Variants in DMRT1 observed in about 807,000 individuals in gnomAD.
DMRT1 encodes doublesex and mab-3 related transcription factor 1.
DMRT1 carries 7 observed loss-of-function variants against 32.3 expected under a neutral mutation model. The observed-to-expected ratio is 0.22, with a 90% CI of 0.12 to 0.41. DMRT1 has a LOEUF of 0.41. Among genes scored for constraint, DMRT1 ranks in the 10% least tolerant of loss-of-function variants. The pLI, the probability that DMRT1 is intolerant of heterozygous loss-of-function variation, is 1.00. For synonymous variants in DMRT1, 278 were observed against 206.1 expected, an observed-to-expected ratio of 1.35 and a Z score of -2.99; for missense variants, 625 against 500.5, an observed-to-expected ratio of 1.25 and a Z score of -2.37.
intron 2 of DMRT1, 120 bp downstream of exon 2, chr9:847,263 T>C (rs1838948501): frequency 2.7e-6 from 3 of 1,111,140 alleles, no homozygotes; most frequent in African/African-American, 1.6e-5. Context: ...GAGGATTCTG[T>C]AGAGGATTCT....
At chr9:853,594 T>C (rs1815259780) in intron 2 of DMRT1, among the ~76,000 whole-genome samples, 1 of 151,740 alleles carries the variant, frequency 6.6e-6, no homozygotes, top group South Asian at 2.1e-4. Flanking sequence ...TGTCTCAGCC[T>C]CCTGAATAGC....
chr9:902,591 C>T (rs1463607739), intron 3 of DMRT1, among the ~76,000 whole-genome samples: 8 of 151,506 alleles, frequency 5.3e-5, no homozygotes, highest in African/African-American at 9.7e-5. Context: ...CGGGTTCAAG[C>T]GATTCTCCTG....
At chr9:958,026 G>T (rs1477612701) in intron 4 of DMRT1, among the ~76,000 whole-genome samples, 2 of 152,002 alleles carry the variant, frequency 1.3e-5, no homozygotes, top group Admixed American at 1.3e-4. Flanking sequence ...AGAAGAAAAA[G>T]ATGAAAAATA....
intron 4 of DMRT1, among the ~76,000 whole-genome samples, chr9:961,942 C>T (rs544823136): frequency 6.6e-6 from 1 of 152,142 alleles, no homozygotes; most frequent in African/African-American, 2.4e-5. Context: ...TAAACAATGT[C>T]CCAGGTACCA....
chr9:851,937 CT>C (rs1046780772), intron 2 of DMRT1, among the ~76,000 whole-genome samples: 9 of 119,944 alleles, frequency 7.5e-5, no homozygotes, highest in African/African-American at 1.8e-4. Flanking sequence ...AGCAGGTACA[CT>C]TTTTTTTTGT....
chr9:841,740 C>T lies in DMRT1; in HGVS notation c.-99C>T. On this transcript the variant is annotated 5_prime_UTR_variant, in exon 1 of 5. Transcript: ENST00000382276. ...GCTGCAGCGCACACGTCTCCTGCGCCTCCTCCTCCGGAGCGTCGCTGTCCG... is the reference window on the plus strand; with the variant it reads ...GCTGCAGCGCACACGTCTCCTGCGCTTCCTCCTCCGGAGCGTCGCTGTCCG... 3.2e-6 allele frequency: 5 copies of T among 1,546,948 alleles called. No homozygotes were observed. Among genetic ancestry groups the T allele is most frequent in the Non-Finnish European group, 4.4e-6 (5 of 1,146,836 alleles).
intron 4 of DMRT1, among the ~76,000 whole-genome samples, chr9:918,276 C>G (rs183498448): frequency 5.3e-5 from 8 of 152,190 alleles, no homozygotes; most frequent in Non-Finnish European, 1.2e-4. Context: ...TTTGTTAATA[C>G]AGAAAATTAA....
chr9:920,859 C>G (rs1462007646), intron 4 of DMRT1, among the ~76,000 whole-genome samples: 2 of 151,980 alleles, frequency 1.3e-5, no homozygotes, highest in Non-Finnish European at 1.5e-5. Context: ...TGATGTGGGT[C>G]TGGGAGTGCT....
chr9:956,982 C>T (rs1819621490), intron 4 of DMRT1, among the ~76,000 whole-genome samples: 2 of 152,180 alleles, frequency 1.3e-5, no homozygotes, highest in South Asian at 2.1e-4. Context: ...TCAGCGGGTT[C>T]ATGTGCAGGT....
intron 4 of DMRT1, among the ~76,000 whole-genome samples, chr9:925,078 C>G (rs886635716): frequency 3.3e-5 from 5 of 152,164 alleles, no homozygotes; most frequent in African/African-American, 1.2e-4. Flanking sequence ...CACACTTACT[C>G]ATGTAAGGAT....
chr9:903,119 A>G (rs1372565245), intron 3 of DMRT1, among the ~76,000 whole-genome samples: 1 of 152,212 alleles, frequency 6.6e-6, no homozygotes, highest in Non-Finnish European at 1.5e-5. Context: ...TTCTTCTGCA[A>G]CATAATTCCT....
At chr9:910,948 A>G (rs959953588) in intron 3 of DMRT1, among the ~76,000 whole-genome samples, 7 of 152,190 alleles carry the variant, frequency 4.6e-5, no homozygotes, top group African/African-American at 1.7e-4. Flanking sequence ...GGCATTTCAC[A>G]AAGGAGAAAA....
At chr9:961,706 A>G (rs1179125248) in intron 4 of DMRT1, among the ~76,000 whole-genome samples, 1 of 152,222 alleles carries the variant, frequency 6.6e-6, no homozygotes, top group South Asian at 2.1e-4. Context: ...TGAAAAAGGC[A>G]ACATGTATGT....
At chr9:916,672 T>G in intron 3 of DMRT1, 91 bp from the exon 4 acceptor site, 1 of 1,505,828 alleles carries the variant, frequency 6.6e-7, no homozygotes, top group Non-Finnish European at 9.2e-7. Flanking sequence ...GTGCCCAGCC[T>G]GTTACCTTGT....
intron 4 of DMRT1, among the ~76,000 whole-genome samples, chr9:931,512 C>T (rs754586996): frequency 6.6e-6 from 1 of 152,170 alleles, no homozygotes; most frequent in Non-Finnish European, 1.5e-5. Context: ...AAGGCACAGA[C>T]TAGGTGGCCC....
intron 2 of DMRT1, among the ~76,000 whole-genome samples, chr9:863,677 G>A (rs1815829642): frequency 6.6e-6 from 1 of 152,194 alleles, no homozygotes; most frequent in South Asian, 2.1e-4. Flanking sequence ...TCAGATTTCG[G>A]ACCCACAGAA....
At chr9:883,051 C>CT (rs1816793828) in intron 2 of DMRT1, among the ~76,000 whole-genome samples, 1 of 151,926 alleles carries the variant, frequency 6.6e-6, no homozygotes, top group Non-Finnish European at 1.5e-5. Context: ...GGATTACAGG[C>CT]ATGAGCCACC....
intron 2 of DMRT1, among the ~76,000 whole-genome samples, chr9:854,393 C>A (rs993317743): frequency 6.6e-6 from 1 of 152,084 alleles, no homozygotes; most frequent in Non-Finnish European, 1.5e-5. Flanking sequence ...AAGTGATTCT[C>A]GTGCCTCAGC....
chr9:907,743 G>T (rs184002149), intron 3 of DMRT1, among the ~76,000 whole-genome samples: 3 of 152,114 alleles, frequency 2.0e-5, no homozygotes, highest in African/African-American at 2.4e-5. Flanking sequence ...TATATGCAAT[G>T]AATTCTTATA....
Sources: allele counts gnomAD v4.1 joint callset (sites outside exome capture counted in the v4.1 genomes callset), GRCh38; gene constraint gnomAD v4.1.1; transcripts MANE v1.5; gene names NCBI Gene and HGNC (gene_info 2026-07-23, HGNC 2026-07-21).